The following SYN2 variants were observed in gnomAD, a reference collection of about 807,000 sequenced individuals.
The protein encoded by SYN2 is synapsin-2.
In SYN2, 19 loss-of-function variants were observed where a neutral mutation model predicts 50.9. That is an observed-to-expected ratio of 0.37 (90% CI 0.26 to 0.55). The LOEUF (loss-of-function observed/expected upper bound fraction) is 0.55. Among genes scored for constraint, SYN2 ranks in the 20% least tolerant of loss-of-function variants. SYN2 has a pLI of 0.81. For missense variants in SYN2, 587 were observed against 576.4 expected (o/e 1.02, Z -0.19); for synonymous variants, 255 against 224.9 (o/e 1.13, Z -1.20).
intron 5 of SYN2, 91 bp downstream of exon 5, chr3:12,151,417 G>T: frequency 1.0e-6 from 1 of 984,044 alleles, no homozygotes; most frequent in East Asian, 2.6e-5. Flanking sequence ...AAGGGCCTCA[G>T]CATCTCAACC....
chr3:12,055,478 T>C (rs773743214), intron 1 of SYN2, among the ~76,000 whole-genome samples: 6 of 152,110 alleles, frequency 3.9e-5, no homozygotes, highest in Non-Finnish European at 7.4e-5. Flanking sequence ...AAAAGAAATA[T>C]GAAAAATAAT....
chr3:12,055,491 A>G (rs1694967872), intron 1 of SYN2, among the ~76,000 whole-genome samples: 1 of 152,182 alleles, frequency 6.6e-6, no homozygotes, highest in Non-Finnish European at 1.5e-5. Context: ...AAAATAATGG[A>G]TTTCCTTGCA....
intron 1 of SYN2, among the ~76,000 whole-genome samples, chr3:12,073,389 CT>C (rs1574924590): frequency 1.3e-5 from 2 of 152,158 alleles, no homozygotes; most frequent in South Asian, 4.1e-4. Context: ...CTTCCAGAGA[CT>C]TTTGGAGGTT....
intron 11 of SYN2, among the ~76,000 whole-genome samples, chr3:12,186,410 G>A (rs78177091): frequency 1.1e-3 from 174 of 152,272 alleles, no homozygotes; most frequent in Admixed American, 3.8e-3. Context: ...TCCTCTCCAG[G>A]CCACCAGATG....
intron 1 of SYN2, among the ~76,000 whole-genome samples, chr3:12,040,708 T>G (rs1254020809): frequency 6.6e-6 from 1 of 152,142 alleles, no homozygotes. Context: ...CTTTCATATA[T>G]ATCACATTTT....
intron 1 of SYN2, among the ~76,000 whole-genome samples, chr3:12,007,796 T>C (rs566077743): frequency 6.6e-6 from 1 of 152,366 alleles, no homozygotes; most frequent in South Asian, 2.1e-4. Context: ...CCTTTGAATT[T>C]CTGTCATTGT....
At chr3:12,053,348 G>A (rs1486680085) in intron 1 of SYN2, among the ~76,000 whole-genome samples, 4 of 151,410 alleles carry the variant, frequency 2.6e-5, no homozygotes, top group African/African-American at 9.7e-5. Context: ...TTGAACCTGG[G>A]AGGCGGAGGT....
At chr3:12,127,558 G>C (rs1020049673) in intron 1 of SYN2, among the ~76,000 whole-genome samples, 1 of 152,196 alleles carries the variant, frequency 6.6e-6, no homozygotes, top group African/African-American at 2.4e-5. Flanking sequence ...AGTTCTCCCA[G>C]CCTGCCAAAA....
At chr3:12,055,140 T>G (rs1694958915) in intron 1 of SYN2, among the ~76,000 whole-genome samples, 1 of 152,046 alleles carries the variant, frequency 6.6e-6, no homozygotes, top group African/African-American at 2.4e-5. Context: ...TTAATATGAA[T>G]AAAGCAGAGA....
intron 1 of SYN2, among the ~76,000 whole-genome samples, chr3:12,127,524 G>T (rs1696696183): frequency 6.6e-6 from 1 of 152,182 alleles, no homozygotes; most frequent in Non-Finnish European, 1.5e-5. Context: ...GGAACCTGTG[G>T]CATGACTCTT....
At chr3:12,066,192 A>G (rs956079493) in intron 1 of SYN2, among the ~76,000 whole-genome samples, 1 of 152,194 alleles carries the variant, frequency 6.6e-6, no homozygotes, top group Non-Finnish European at 1.5e-5. Context: ...TCAGTTAATA[A>G]TAATGAATCA....
intron 1 of SYN2, among the ~76,000 whole-genome samples, chr3:12,035,444 A>G (rs561201392): frequency 6.6e-6 from 1 of 152,328 alleles, no homozygotes; most frequent in East Asian, 1.9e-4. Context: ...TGGCATTGAG[A>G]TTTGCAGCGA....
chr3:12,007,832 C>T (rs1303595197), intron 1 of SYN2, among the ~76,000 whole-genome samples: 1 of 152,144 alleles, frequency 6.6e-6, no homozygotes, highest in East Asian at 1.9e-4. Flanking sequence ...GAGACCCCAC[C>T]ACTGACCAGG....
At chr3:12,069,265 C>T (rs981852575) in intron 1 of SYN2, among the ~76,000 whole-genome samples, 7 of 145,578 alleles carry the variant, frequency 4.8e-5, no homozygotes, top group East Asian at 2.0e-4. Flanking sequence ...TTTTTGGAGA[C>T]GGAGTCTCGC....
At chr3:12,062,310 G>A (rs1245572260) in intron 1 of SYN2, among the ~76,000 whole-genome samples, 2 of 151,932 alleles carry the variant, frequency 1.3e-5, no homozygotes, top group African/African-American at 4.8e-5. Flanking sequence ...TTCATATGCA[G>A]GGTAGTGAAC....
At chr3:12,093,699 C>A (rs532558994) in intron 1 of SYN2, among the ~76,000 whole-genome samples, 11 of 152,212 alleles carry the variant, frequency 7.2e-5, no homozygotes, top group South Asian at 2.1e-4. Flanking sequence ...ATTTTCCTTT[C>A]CACATTAGCG....
intron 1 of SYN2, among the ~76,000 whole-genome samples, chr3:12,062,989 A>G (rs1050158011): frequency 6.6e-5 from 10 of 152,044 alleles, no homozygotes; most frequent in African/African-American, 2.2e-4. Flanking sequence ...TCAAAAGGCT[A>G]CAGGCTACAT....
chr3:12,016,016 T>A (rs1038385576), intron 1 of SYN2, among the ~76,000 whole-genome samples: 1 of 152,224 alleles, frequency 6.6e-6, no homozygotes, highest in African/African-American at 2.4e-5. Flanking sequence ...GAAATTGAGA[T>A]CCCCTTTCTC....
intron 1 of SYN2, among the ~76,000 whole-genome samples, chr3:12,134,161 T>C (rs1223768444): frequency 1.3e-5 from 2 of 152,224 alleles, no homozygotes; most frequent in African/African-American, 4.8e-5. Flanking sequence ...GCTTAAAAAT[T>C]GACAGGATAA....
Sources: gnomAD v4.1 joint callset for allele counts (sites outside exome capture counted in the v4.1 genomes callset) on GRCh38, gnomAD v4.1.1 for gene constraint, MANE v1.5 for transcripts, NCBI Gene and HGNC (gene_info 2026-07-23, HGNC 2026-07-21) for gene names.